ODAD2: variants seen among roughly 807,000 people sequenced by gnomAD.
ODAD2 encodes the protein outer dynein arm docking complex subunit 2.
In ODAD2, 89 loss-of-function variants were observed where a neutral mutation model predicts 106.8. That is an observed-to-expected ratio of 0.83 (90% CI 0.70 to 0.99). ODAD2 has a LOEUF of 0.99. ODAD2 is among the 50% of genes least tolerant of loss of function. ODAD2 has a pLI of 0.00. For synonymous variants in ODAD2, 404 were observed against 436.2 expected, an observed-to-expected ratio of 0.93 and a Z score of 0.92; for missense variants, 1,168 against 1,238.5, an observed-to-expected ratio of 0.94 and a Z score of 0.85.
intron 17 of ODAD2, among the ~76,000 whole-genome samples, chr10:27,876,768 A>C (rs1841368558): frequency 6.6e-6 from 1 of 151,964 alleles, no homozygotes; most frequent in Non-Finnish European, 1.5e-5. Context: ...TGGTTTGTCC[A>C]AGCACACTTT....
chr10:27,948,211 T>C (rs1244318556), intron 10 of ODAD2, among the ~76,000 whole-genome samples: 1 of 152,094 alleles, frequency 6.6e-6, no homozygotes, highest in African/African-American at 2.4e-5. Flanking sequence ...CAGCTTTTTT[T>C]CTGAAAATCT....
chr10:27,997,870 A>T (rs192457935), intron 1 of ODAD2, among the ~76,000 whole-genome samples: 1 of 152,342 alleles, frequency 6.6e-6, no homozygotes, highest in Non-Finnish European at 1.5e-5. Flanking sequence ...ATGTAAATAC[A>T]CAGCACACAC....
At chr10:27,970,998 A>G (rs1270104575) in intron 8 of ODAD2, 110 bp downstream of exon 8, 1 of 398,292 alleles carries the variant, frequency 2.5e-6, no homozygotes, top group African/African-American at 3.2e-5. Flanking sequence ...AAATAAATAA[A>G]TAAATAAATA....
rs1848764571 is a variant in ODAD2, at chr10:27,970,339, T to C, written c.1142+769A>G. 2.6e-5 allele frequency among the ~76,000 whole-genome samples: 4 copies of C among 152,274 alleles called. No individual in the cohort carries two copies. The South Asian group carries it at 6.2e-4, about 24-fold the overall frequency. Reference sequence around the variant, plus strand: ...TAGCCTTTTCATGGTATTAAAGTTCTGTTAGACATTATCTCTATGACAGTT... The same window carrying C: ...TAGCCTTTTCATGGTATTAAAGTTCCGTTAGACATTATCTCTATGACAGTT... On this transcript the variant is annotated intron_variant, in intron 8 of 19. Coordinates refer to ENST00000305242, the MANE Select transcript of ODAD2 (RefSeq NM_018076.5).
At chr10:27,830,477 C>A (rs1337651104) in intron 19 of ODAD2, among the ~76,000 whole-genome samples, 3 of 152,146 alleles carry the variant, frequency 2.0e-5, no homozygotes, top group Non-Finnish European at 4.4e-5. Flanking sequence ...TTAATCTTCC[C>A]AGATTTAAAA....
chr10:27,949,974 G>A (rs1216530979), intron 10 of ODAD2, among the ~76,000 whole-genome samples: 9 of 152,232 alleles, frequency 5.9e-5, no homozygotes, highest in Non-Finnish European at 1.2e-4. Context: ...TATTATCAGA[G>A]CCCCACATGA....
At chr10:27,994,405 T>C (rs896547103) in intron 2 of ODAD2, among the ~76,000 whole-genome samples, 1 of 152,072 alleles carries the variant, frequency 6.6e-6, no homozygotes, top group African/African-American at 2.4e-5. Flanking sequence ...AATACGGAAG[T>C]ACCCCATACA....
chr10:27,941,555 C>A (rs1202410271), intron 12 of ODAD2, among the ~76,000 whole-genome samples: 1 of 144,252 alleles, frequency 6.9e-6, no homozygotes, highest in African/African-American at 2.5e-5. Context: ...TCATGTGCTA[C>A]TGAAACCAAC....
chr10:27,881,012 T>A (rs1841669297), intron 17 of ODAD2, among the ~76,000 whole-genome samples: 1 of 152,194 alleles, frequency 6.6e-6, no homozygotes, highest in South Asian at 2.1e-4. Context: ...CATCCTAGCA[T>A]CCATCACTAT....
chr10:27,900,947 T>C lies in ODAD2; in HGVS notation c.2610+6716A>G, dbSNP rs144384555. Among the ~76,000 whole-genome samples, 932 of 152,148 alleles carry C rather than the reference T, an allele frequency of 6.1e-3. 8 individuals are homozygous for C. Among genetic ancestry groups the C allele is most frequent in the African/African-American group, 0.021 (891 of 41,488 alleles). On this transcript the variant is annotated intron_variant, in intron 17 of 19. Coordinates refer to ENST00000305242, the MANE Select transcript of ODAD2 (RefSeq NM_018076.5). Reference sequence around the variant, plus strand: ...TAGCAAGACAGGCCAACATTCAAATTCAGGAAATACAGAGAACACCACAAA... The same window carrying C: ...TAGCAAGACAGGCCAACATTCAAATCCAGGAAATACAGAGAACACCACAAA...
intron 8 of ODAD2, among the ~76,000 whole-genome samples, chr10:27,970,500 C>T (rs1211201661): frequency 1.3e-5 from 2 of 152,190 alleles, no homozygotes; most frequent in African/African-American, 4.8e-5. Flanking sequence ...TATTACTTGT[C>T]CTGACTCACC....
At chr10:27,959,059 G>C (rs1278334040) in intron 10 of ODAD2, 1 of 1,256,630 alleles carries the variant, frequency 8.0e-7, no homozygotes, top group Non-Finnish European at 1.0e-6. Context: ...TGTCTTGGAC[G>C]GGCTTAGAGG....
chr10:27,921,120 T>C (rs1470921498), intron 16 of ODAD2, among the ~76,000 whole-genome samples: 1 of 152,090 alleles, frequency 6.6e-6, no homozygotes, highest in African/African-American at 2.4e-5. Flanking sequence ...TTAGGTAACA[T>C]TTCTTAGAAT....
At chr10:27,922,113 C>T (rs1844833308) in intron 16 of ODAD2, among the ~76,000 whole-genome samples, 1 of 136,744 alleles carries the variant, frequency 7.3e-6, no homozygotes, top group Non-Finnish European at 1.5e-5. Flanking sequence ...GCTGCAGTGC[C>T]ACTGCATTCC....
chr10:27,936,425 G>A (rs901536918), intron 15 of ODAD2, among the ~76,000 whole-genome samples: 14 of 152,070 alleles, frequency 9.2e-5, no homozygotes, highest in African/African-American at 3.4e-4. Context: ...ACCTTGATAG[G>A]TCCCCACAGA....
chr10:27,816,023 A>G (rs754225187), intron 19 of ODAD2, among the ~76,000 whole-genome samples: 11 of 152,158 alleles, frequency 7.2e-5, no homozygotes, highest in Non-Finnish European at 1.5e-4. Flanking sequence ...GTTGTTCAAG[A>G]CGGAAATCTG....
chr10:27,996,019 T>C (rs1850539696), intron 1 of ODAD2, among the ~76,000 whole-genome samples: 1 of 152,248 alleles, frequency 6.6e-6, no homozygotes, highest in African/African-American at 2.4e-5. Flanking sequence ...AATTTCACAT[T>C]GGCTAAATAG....
intron 17 of ODAD2, among the ~76,000 whole-genome samples, chr10:27,892,880 A>C (rs10826360): frequency 6.6e-6 from 1 of 152,028 alleles, no homozygotes; most frequent in Non-Finnish European, 1.5e-5. Context: ...CGGGTGTGGT[A>C]ACTCACGCCT....
At chr10:27,875,683 T>G (rs977170891) in intron 17 of ODAD2, among the ~76,000 whole-genome samples, 2 of 152,172 alleles carry the variant, frequency 1.3e-5, no homozygotes, top group African/African-American at 4.8e-5. Context: ...CACTGAGTCT[T>G]GTTGGACAGT....
Sources: allele counts gnomAD v4.1 joint callset (sites outside exome capture counted in the v4.1 genomes callset), GRCh38; gene constraint gnomAD v4.1.1; transcripts MANE v1.5; gene names NCBI Gene and HGNC (gene_info 2026-07-23, HGNC 2026-07-21).